Variants in DLGAP2 observed in about 807,000 individuals in gnomAD.
The protein encoded by DLGAP2 is disks large-associated protein 2.
DLGAP2 carries 26 observed loss-of-function variants against 100.3 expected under a neutral mutation model. That is an observed-to-expected ratio of 0.26 (90% confidence interval 0.19 to 0.36). DLGAP2 has a LOEUF of 0.36. Ranked by LOEUF, DLGAP2 falls within the 10% of genes least tolerant of loss-of-function variation. DLGAP2 has a pLI of 1.00. For synonymous variants in DLGAP2, 886 were observed against 630.1 expected (o/e 1.41, Z -6.08); for missense variants, 1,858 against 1,453.2 (o/e 1.28, Z -4.53).
chr8:1,474,000 G>C (rs1049551041), intron 3 of DLGAP2, among the ~76,000 whole-genome samples: 1 of 152,120 alleles, frequency 6.6e-6, no homozygotes, highest in African/African-American at 2.4e-5. Context: ...TACATGAGCA[G>C]TGTACATTCT....
rs193105933 is a variant in DLGAP2, at chr8:1,420,976, G to T, written c.107-80390G>T. Among the ~76,000 whole-genome samples the T allele has an allele frequency of 3.5e-3, 536 of 152,264 alleles. 3 individuals carry two copies. Among genetic ancestry groups the T allele is most frequent in the African/African-American group, 0.012 (510 of 41,546 alleles). On this transcript the variant is annotated intron_variant, in intron 3 of 14. Transcript: ENST00000637795. The stretch of plus-strand genomic sequence containing the variant: ...GCTGTACTGAATGTTGCTTCCCAAA[G>T]AGCGGGGTCCTCTCTCATGGGCTGT...
intron 1 of DLGAP2, among the ~76,000 whole-genome samples, chr8:749,852 T>C (rs1045860578): frequency 9.2e-5 from 14 of 152,156 alleles, no homozygotes; most frequent in African/African-American, 3.4e-4. Context: ...TCCAGAGGTG[T>C]GGGGAGGGTC....
intron 2 of DLGAP2, among the ~76,000 whole-genome samples, chr8:1,179,703 G>T (rs934502609): frequency 7.2e-5 from 11 of 152,174 alleles, no homozygotes; most frequent in African/African-American, 2.4e-4. Context: ...GGAATATCAG[G>T]GGCCACCTTA....
At chr8:817,808 G>A (rs898895949) in intron 1 of DLGAP2, among the ~76,000 whole-genome samples, 2 of 152,206 alleles carry the variant, frequency 1.3e-5, no homozygotes, top group Admixed American at 6.5e-5. Flanking sequence ...GTCCTGTGAT[G>A]TGATTTTTGT....
chr8:1,203,072 C>G (rs753167572), intron 2 of DLGAP2, among the ~76,000 whole-genome samples: 4 of 152,170 alleles, frequency 2.6e-5, no homozygotes, highest in Non-Finnish European at 5.9e-5. Flanking sequence ...CTCCGGCTCT[C>G]CCAAATGGGC....
At chr8:990,036 C>A (rs1033271415) in intron 2 of DLGAP2, among the ~76,000 whole-genome samples, 5 of 152,086 alleles carry the variant, frequency 3.3e-5, no homozygotes, top group African/African-American at 1.2e-4. Flanking sequence ...ACTGTGCCAG[C>A]ATGATGGCTT....
rs763184732 is a variant in DLGAP2 at position 1,678,314 on chromosome 8, C to T, written c.2389C>T (p.Leu797Phe). Residue 797 changes from leucine to phenylalanine, a missense_variant, in exon 12 of 15, where the codon CTT (leucine) becomes TTT (phenylalanine). Physicochemically the swap from Leu to Phe is conservative, Grantham distance 22 (BLOSUM62 0). Transcript: ENST00000637795. ...PGHITTEDKG[L>F]QFGSSFQRHS... is the part of the protein sequence containing the mutation. ...CCACATCACCACGGAGGACAAAGGC[C>T]TTCAGTTCGGCTCATCCTTCCAGCG... 1 of 1,614,014 alleles carries T rather than the reference C, an allele frequency of 6.2e-7. No individual in the cohort carries two copies. Among genetic ancestry groups the T allele is most frequent in the South Asian group, 1.1e-5 (1 of 91,082 alleles).
At chr8:957,850 A>G (rs1309624559) in intron 2 of DLGAP2, among the ~76,000 whole-genome samples, 1 of 151,728 alleles carries the variant, frequency 6.6e-6, no homozygotes, top group Non-Finnish European at 1.5e-5. Context: ...TATATGGGAA[A>G]AATATTTTAA....
chr8:1,506,536 G>C (rs1202754157), intron 4 of DLGAP2, among the ~76,000 whole-genome samples: 1 of 152,204 alleles, frequency 6.6e-6, no homozygotes, highest in African/African-American at 2.4e-5. Flanking sequence ...GACCCAAAGA[G>C]TGAGCAACAG....
chr8:1,547,974 C>G (rs1417285347), intron 4 of DLGAP2, among the ~76,000 whole-genome samples: 2 of 152,232 alleles, frequency 1.3e-5, no homozygotes, highest in Non-Finnish European at 2.9e-5. Context: ...TTTAAAACTT[C>G]TTAAGCTGTA....
chr8:1,591,568 G>A (rs1796291892), intron 6 of DLGAP2, among the ~76,000 whole-genome samples: 1 of 151,024 alleles, frequency 6.6e-6, no homozygotes, highest in Non-Finnish European at 1.5e-5. Context: ...CACCCCTGCA[G>A]CCTATTTGTG....
At chr8:1,192,019 C>G (rs1003047255) in intron 2 of DLGAP2, among the ~76,000 whole-genome samples, 2 of 152,186 alleles carry the variant, frequency 1.3e-5, no homozygotes, top group Non-Finnish European at 2.9e-5. Context: ...TTCCGGTTAC[C>G]TTGTATGACT....
At position 1,378,214 on chromosome 8, in the gene DLGAP2, G is replaced by T. The variant is rs190167214; in HGVS notation, c.106+119331G>T. The T allele has an allele frequency of 1.4e-3, 253 of 184,698 alleles. 1 individual carries two copies. Among genetic ancestry groups the T allele is most frequent in the African/African-American group, 5.9e-3 (236 of 40,336 alleles). 11.4% of individuals were successfully genotyped at this position (184,698 alleles called of 1,614,324 possible). ...ATCCTGTGCACACCTGACCTCACCT[G>T]TGTGTCCTGCACACACCTGACCTCA... is the stretch of plus-strand genomic sequence containing the variant. On this transcript the variant is annotated intron_variant, in intron 3 of 14. Coordinates refer to ENST00000637795, the MANE Select transcript of DLGAP2 (RefSeq NM_001346810.2).
At chr8:880,631 T>C (rs1797770623) in intron 1 of DLGAP2, among the ~76,000 whole-genome samples, 1 of 147,460 alleles carries the variant, frequency 6.8e-6, no homozygotes, top group African/African-American at 2.5e-5. Context: ...AGCCCTTGCC[T>C]GCGACATGGC....
intron 4 of DLGAP2, among the ~76,000 whole-genome samples, chr8:1,537,970 G>C (rs908840118): frequency 5.9e-5 from 9 of 152,202 alleles, no homozygotes; most frequent in South Asian, 2.1e-4. Context: ...AGGTGAATCA[G>C]AGGAAGATAC....
intron 2 of DLGAP2, among the ~76,000 whole-genome samples, chr8:1,045,220 G>A (rs892378179): frequency 4.6e-5 from 7 of 152,184 alleles, no homozygotes; most frequent in African/African-American, 1.7e-4. Context: ...CTGCATCTTA[G>A]CTTCCCTGTT....
At chr8:980,665 A>G (rs1204800246) in intron 2 of DLGAP2, among the ~76,000 whole-genome samples, 7 of 152,216 alleles carry the variant, frequency 4.6e-5, no homozygotes, top group Non-Finnish European at 8.8e-5. Flanking sequence ...CAGTTAAAGC[A>G]GCCGTGCTGA....
intron 3 of DLGAP2, among the ~76,000 whole-genome samples, chr8:1,486,594 C>A (rs550740456): frequency 4.0e-5 from 6 of 150,804 alleles, no homozygotes; most frequent in East Asian, 2.0e-4. Context: ...AGCGGAGATG[C>A]GGCGGCGGCT....
intron 3 of DLGAP2, among the ~76,000 whole-genome samples, chr8:1,491,041 AAAAT>A (rs1159177657): frequency 1.9e-5 from 2 of 104,842 alleles, no homozygotes; most frequent in Admixed American, 1.1e-4. Context: ...AAAATTTAAA[AAAAT>A]AAAATAAAAT....
Sources: gnomAD v4.1 joint callset for allele counts (sites outside exome capture counted in the v4.1 genomes callset) on GRCh38, gnomAD v4.1.1 for gene constraint, MANE v1.5 for transcripts, NCBI Gene and HGNC (gene_info 2026-07-23, HGNC 2026-07-21) for gene names.